STXBP5L: variants seen among roughly 807,000 people sequenced by gnomAD.
STXBP5L encodes the protein syntaxin binding protein 5L.
Under a neutral mutation model 144.5 loss-of-function variants are expected in STXBP5L, and 65 were observed. The ratio of observed to expected loss-of-function variants is 0.45; its 90% CI spans 0.37 to 0.55. STXBP5L has a LOEUF of 0.55. STXBP5L is among the 20% of genes least tolerant of loss of function. The pLI, the probability that STXBP5L is intolerant of heterozygous loss-of-function variation, is 0.00. For missense variants in STXBP5L, 1,298 were observed against 1,405.5 expected (o/e 0.92, Z 1.22); for synonymous variants, 505 against 469.6 (o/e 1.08, Z -0.97).
intron 3 of STXBP5L, among the ~76,000 whole-genome samples, chr3:121,036,137 A>G (rs1688674): frequency 0.37 from 56,904 of 151,858 alleles, 10,867 homozygotes; most frequent in Non-Finnish European, 0.4. Context: ...GTTTGAGACC[A>G]GCCTAGCCAA....
In STXBP5L at chr3:121,314,622, AGGG is replaced by A. The variant is rs2043713173; in HGVS notation, c.2111-3852_2111-3850del. 3.3e-5 allele frequency among the ~76,000 whole-genome samples: 5 copies of A among 150,780 alleles called. No individual in the cohort carries two copies. In the East Asian group the frequency reaches 5.9e-4, roughly 18 times the overall value. On this transcript the variant is annotated intron_variant, in intron 19 of 26. Transcript: ENST00000471454. Reference sequence around the variant, plus strand: ...GAGGGAGAGGGAGAGGGAGAGGGAGAGGGAGAGGGAGAGCGTAAGCGTAAACTA... The same window carrying A: ...GAGGGAGAGGGAGAGGGAGAGGGAGAAGAGGGAGAGCGTAAGCGTAAACTA...
intron 5 of STXBP5L, among the ~76,000 whole-genome samples, chr3:121,090,296 C>A (rs911699672): frequency 6.6e-6 from 1 of 152,050 alleles, no homozygotes; most frequent in Non-Finnish European, 1.5e-5. Flanking sequence ...AACTCACTGA[C>A]ATCTTAGATA....
chr3:121,322,200 TG>T (rs1440580981), intron 20 of STXBP5L, among the ~76,000 whole-genome samples: 1 of 152,174 alleles, frequency 6.6e-6, no homozygotes, highest in Non-Finnish European at 1.5e-5. Flanking sequence ...GATTTTTGGC[TG>T]GGCGCCGTGG....
intron 5 of STXBP5L, among the ~76,000 whole-genome samples, chr3:121,072,865 C>A (rs982008010): frequency 2.7e-4 from 41 of 152,122 alleles, no homozygotes; most frequent in African/African-American, 9.4e-4. Context: ...AGTTAATAAT[C>A]CTCTTTCCTT....
At chr3:120,975,094 T>C (rs1250760412) in intron 3 of STXBP5L, among the ~76,000 whole-genome samples, 1 of 152,116 alleles carries the variant, frequency 6.6e-6, no homozygotes, top group African/African-American at 2.4e-5. Flanking sequence ...TCATTGGTAG[T>C]TTGATGGGGA....
chr3:120,991,434 G>T (rs1198049512), intron 3 of STXBP5L, among the ~76,000 whole-genome samples: 5 of 100,670 alleles, frequency 5.0e-5, no homozygotes, highest in African/African-American at 1.9e-4. Context: ...GATTCCTCAG[G>T]GATCTAGAAC....
chr3:121,296,943 T>G (rs1369991874), intron 19 of STXBP5L, among the ~76,000 whole-genome samples: 2 of 152,140 alleles, frequency 1.3e-5, no homozygotes, highest in African/African-American at 4.8e-5. Flanking sequence ...CTGGGGTAAT[T>G]ATAGAATTTA....
At chr3:121,164,571 C>T (rs981093954) in intron 9 of STXBP5L, among the ~76,000 whole-genome samples, 5 of 152,228 alleles carry the variant, frequency 3.3e-5, no homozygotes, top group African/African-American at 7.2e-5. Context: ...AATCACCACC[C>T]TATAAAGTTA....
intron 20 of STXBP5L, among the ~76,000 whole-genome samples, chr3:121,352,613 T>A (rs2045334716): frequency 1.3e-5 from 2 of 152,104 alleles, no homozygotes; most frequent in South Asian, 4.1e-4. Context: ...AAATATACAA[T>A]CATGTCATCT....
At chr3:121,314,401 G>C (rs1182458209) in intron 19 of STXBP5L, among the ~76,000 whole-genome samples, 1 of 129,466 alleles carries the variant, frequency 7.7e-6, no homozygotes, top group Non-Finnish European at 1.6e-5. Flanking sequence ...AGACCAGCCC[G>C]GCCAACACAG....
chr3:121,079,678 G>T (rs541520227), intron 5 of STXBP5L, among the ~76,000 whole-genome samples: 2 of 152,260 alleles, frequency 1.3e-5, no homozygotes, highest in African/African-American at 4.8e-5. Context: ...ATTGCATTGT[G>T]GTCTGAGAAG....
At chr3:121,351,273 G>A (rs534526845) in intron 20 of STXBP5L, among the ~76,000 whole-genome samples, 4 of 152,206 alleles carry the variant, frequency 2.6e-5, no homozygotes, top group East Asian at 1.9e-4. Flanking sequence ...GCAGAACAGC[G>A]GATATTGGTG....
At chr3:120,974,238 C>T (rs1940654645) in intron 3 of STXBP5L, among the ~76,000 whole-genome samples, 1 of 152,242 alleles carries the variant, frequency 6.6e-6, no homozygotes, top group Admixed American at 6.5e-5. Flanking sequence ...GCCATTCTAA[C>T]TGGTGTGAGA....
chr3:121,308,044 C>T (rs535011378), intron 19 of STXBP5L, among the ~76,000 whole-genome samples: 20 of 152,134 alleles, frequency 1.3e-4, no homozygotes, highest in African/African-American at 1.9e-4. Context: ...ATTGGTCAAA[C>T]GAAAAAACTG....
At chr3:121,410,632 G>C (rs746828248) in intron 23 of STXBP5L, among the ~76,000 whole-genome samples, 1 of 151,910 alleles carries the variant, frequency 6.6e-6, no homozygotes, top group Non-Finnish European at 1.5e-5. Flanking sequence ...TGGTTACTTA[G>C]ATCCTAAGTA....
chr3:121,378,232 A>G (rs2046239931), intron 20 of STXBP5L, among the ~76,000 whole-genome samples: 1 of 152,036 alleles, frequency 6.6e-6, no homozygotes, highest in Admixed American at 6.6e-5. Flanking sequence ...GGGGGTTAAA[A>G]CCTAGAAGAC....
chr3:121,396,180 T>G (rs1416568892), intron 22 of STXBP5L, among the ~76,000 whole-genome samples: 2 of 152,232 alleles, frequency 1.3e-5, no homozygotes, highest in Admixed American at 1.3e-4. Context: ...CTCAAAAAAT[T>G]TAGTTAATAA....
At chr3:121,110,229 G>C (rs1247219841) in intron 5 of STXBP5L, among the ~76,000 whole-genome samples, 1 of 152,158 alleles carries the variant, frequency 6.6e-6, no homozygotes, top group Non-Finnish European at 1.5e-5. Flanking sequence ...ATTGTTATGT[G>C]TGAATTTGAT....
intron 2 of STXBP5L, among the ~76,000 whole-genome samples, chr3:120,914,782 T>C (rs956933391): frequency 1.1e-4 from 16 of 152,082 alleles, no homozygotes; most frequent in African/African-American, 3.6e-4. Flanking sequence ...AGAGGCATCT[T>C]TAAGAATGGT....
Sources: gnomAD v4.1 joint callset for allele counts (sites outside exome capture counted in the v4.1 genomes callset) on GRCh38, gnomAD v4.1.1 for gene constraint, MANE v1.5 for transcripts, NCBI Gene and HGNC (gene_info 2026-07-23, HGNC 2026-07-21) for gene names.